Variants in MAGI2 observed in about 807,000 individuals in gnomAD.
MAGI2 encodes membrane-associated guanylate kinase, WW and PDZ domain-containing protein 2.
A neutral mutation model predicts 133.3 loss-of-function variants in MAGI2; 35 were observed. That is an observed-to-expected ratio of 0.26 (90% CI 0.20 to 0.35). The LOEUF (loss-of-function observed/expected upper bound fraction) is 0.35, where lower values mean the gene tolerates loss of function less well. Ranked by LOEUF, MAGI2 falls within the 10% of genes least tolerant of loss-of-function variation. The pLI is 1.00. For synonymous variants in MAGI2, 729 were observed against 710.6 expected, an observed-to-expected ratio of 1.03 and a Z score of -0.41; for missense variants, 1,636 against 1,863.4, an observed-to-expected ratio of 0.88 and a Z score of 2.25.
intron 1 of MAGI2, among the ~76,000 whole-genome samples, chr7:79,253,008 C>T (rs905868590): frequency 1.1e-4 from 16 of 152,010 alleles, no homozygotes; most frequent in African/African-American, 3.4e-4. Flanking sequence ...AAGCACTTTG[C>T]ATGTGAATAA....
intron 2 of MAGI2, among the ~76,000 whole-genome samples, chr7:78,719,373 G>GA (rs76734080): frequency 1.3e-5 from 2 of 151,798 alleles, no homozygotes; most frequent in South Asian, 2.1e-4. Context: ...AAAAAATAAA[G>GA]AAAAAAAATC....
intron 11 of MAGI2, among the ~76,000 whole-genome samples, chr7:78,196,793 A>G (rs770701882): frequency 2.6e-5 from 4 of 152,194 alleles, no homozygotes; most frequent in African/African-American, 4.8e-5. Flanking sequence ...TTTGTTTTCT[A>G]TGTGGGCTAT....
intron 10 of MAGI2, among the ~76,000 whole-genome samples, chr7:78,211,775 T>C (rs1416619402): frequency 6.6e-6 from 1 of 152,254 alleles, no homozygotes; most frequent in Admixed American, 6.5e-5. Flanking sequence ...CAGATGCATG[T>C]TATTTTTCCT....
intron 2 of MAGI2, among the ~76,000 whole-genome samples, chr7:78,712,309 A>G (rs1387169107): frequency 6.6e-6 from 1 of 152,176 alleles, no homozygotes; most frequent in African/African-American, 2.4e-5. Flanking sequence ...CCTGCCTGGC[A>G]CTCTGAGGAA....
chr7:78,941,631 C>T (rs180895355), intron 2 of MAGI2, among the ~76,000 whole-genome samples: 18 of 152,024 alleles, frequency 1.2e-4, no homozygotes, highest in African/African-American at 3.4e-4. Context: ...CCACTCTGCC[C>T]GGCTGATAAT....
intron 1 of MAGI2, among the ~76,000 whole-genome samples, chr7:79,328,211 T>C (rs1839832861): frequency 6.6e-6 from 1 of 152,184 alleles, no homozygotes; most frequent in Non-Finnish European, 1.5e-5. Flanking sequence ...ATTAAAACAA[T>C]AAACTTGAAT....
intron 1 of MAGI2, among the ~76,000 whole-genome samples, chr7:79,081,667 C>T (rs1008000729): frequency 6.6e-6 from 1 of 152,046 alleles, no homozygotes; most frequent in African/African-American, 2.4e-5. Context: ...GTGCAATTAA[C>T]AAATATTCTC....
At position 78,866,981 on chromosome 7, in the gene MAGI2, C is replaced by T. The variant is rs1350003674; in HGVS notation, c.418+140109G>A. Among the ~76,000 whole-genome samples, 2 of 151,782 alleles carry T rather than the reference C, an allele frequency of 1.3e-5. 1 individual carries two copies. Among genetic ancestry groups the T allele is most frequent in the East Asian group, 3.9e-4 (2 of 5,148 alleles). The stretch of plus-strand genomic sequence containing the variant: ...CCATCAGAGAAATGCAAATCAAAAC[C>T]ACAATGAGATATCATCTCACACCAG... On this transcript the variant is annotated intron_variant, in intron 2 of 21. Coordinates refer to ENST00000354212, the MANE Select transcript of MAGI2 (RefSeq NM_012301.4).
intron 5 of MAGI2, among the ~76,000 whole-genome samples, chr7:78,492,867 A>C (rs745597163): frequency 9.2e-5 from 14 of 152,202 alleles, no homozygotes; most frequent in Non-Finnish European, 1.8e-4. Context: ...AACTTTTCTT[A>C]TTCCAGCTGG....
At chr7:79,301,556 T>C (rs1837397748) in intron 1 of MAGI2, among the ~76,000 whole-genome samples, 1 of 152,196 alleles carries the variant, frequency 6.6e-6, no homozygotes, top group Admixed American at 6.5e-5. Flanking sequence ...GTAAATAACT[T>C]GTTTTTGATT....
chr7:78,894,271 G>A (rs956741784), intron 2 of MAGI2, among the ~76,000 whole-genome samples: 21 of 152,086 alleles, frequency 1.4e-4, no homozygotes, highest in African/African-American at 4.6e-4. Context: ...GTGGTGGCAC[G>A]TGTGCCTGTA....
intron 9 of MAGI2, among the ~76,000 whole-genome samples, chr7:78,342,125 C>A (rs1790443842): frequency 6.6e-6 from 1 of 151,242 alleles, no homozygotes; most frequent in Non-Finnish European, 1.5e-5. Flanking sequence ...AAAAAAAAAA[C>A]CCTATGAAAA....
chr7:79,135,299 C>G (rs1379373271), intron 1 of MAGI2, among the ~76,000 whole-genome samples: 1 of 151,982 alleles, frequency 6.6e-6, no homozygotes, highest in Non-Finnish European at 1.5e-5. Context: ...AAGTAAATAT[C>G]AATGATCAGA....
chr7:78,899,701 T>C (rs540847470), intron 2 of MAGI2, among the ~76,000 whole-genome samples: 2 of 152,110 alleles, frequency 1.3e-5, no homozygotes, highest in Non-Finnish European at 2.9e-5. Context: ...AGATCCAAAC[T>C]TAATTAATCC....
intron 2 of MAGI2, among the ~76,000 whole-genome samples, chr7:78,998,774 T>C (rs1262739802): frequency 6.6e-6 from 1 of 152,206 alleles, no homozygotes; most frequent in Non-Finnish European, 1.5e-5. Flanking sequence ...TTGCCATCTG[T>C]CTATTCCTTT....
intron 5 of MAGI2, among the ~76,000 whole-genome samples, chr7:78,496,261 G>A (rs2150509414): frequency 6.6e-6 from 1 of 152,276 alleles, no homozygotes; most frequent in Non-Finnish European, 1.5e-5. Context: ...ATTTTTCACA[G>A]ATGTGATTTT....
chr7:78,835,708 C>G (rs1048432506), intron 2 of MAGI2, among the ~76,000 whole-genome samples: 4 of 152,168 alleles, frequency 2.6e-5, no homozygotes, highest in Non-Finnish European at 5.9e-5. Context: ...GAGACGTTAG[C>G]ATAAGCCAGA....
chr7:79,316,926 C>A (rs1201349456), intron 1 of MAGI2, among the ~76,000 whole-genome samples: 3 of 150,410 alleles, frequency 2.0e-5, no homozygotes, highest in African/African-American at 7.3e-5. Context: ...AGTAGCAGAG[C>A]TGGATCCAGG....
intron 9 of MAGI2, among the ~76,000 whole-genome samples, chr7:78,273,527 T>C (rs1794779724): frequency 6.6e-6 from 1 of 152,140 alleles, no homozygotes; most frequent in African/African-American, 2.4e-5. Flanking sequence ...TCCTGAAGAG[T>C]GTTTTCCACC....
Sources: allele counts gnomAD v4.1 joint callset (sites outside exome capture counted in the v4.1 genomes callset), GRCh38; gene constraint gnomAD v4.1.1; transcripts MANE v1.5; gene names NCBI Gene and HGNC (gene_info 2026-07-23, HGNC 2026-07-21).